The following TENM2 variants were observed in gnomAD, a reference collection of about 807,000 sequenced individuals.
TENM2 encodes teneurin-2.
A neutral mutation model predicts 245.2 loss-of-function variants in TENM2; 52 were observed. The observed-to-expected ratio is 0.21, with a 90% CI of 0.17 to 0.27. TENM2 has a LOEUF of 0.27. TENM2 is among the 10% of genes least tolerant of loss of function. The pLI is 1.00. For missense variants in TENM2, 3,046 were observed against 3,666.8 expected (o/e 0.83, Z 4.37); for synonymous variants, 1,363 against 1,438.9 (o/e 0.95, Z 1.19).
intron 2 of TENM2, among the ~76,000 whole-genome samples, chr5:167,522,334 G>A (rs1770814370): frequency 6.6e-6 from 1 of 152,092 alleles, no homozygotes; most frequent in Non-Finnish European, 1.5e-5. Context: ...CTCACAGTCA[G>A]CCTTATTTCA....
chr5:167,940,916 T>G (rs1779126192), intron 3 of TENM2, among the ~76,000 whole-genome samples: 1 of 152,184 alleles, frequency 6.6e-6, no homozygotes, highest in African/African-American at 2.4e-5. Context: ...ACTACACTAT[T>G]AAAGTGTCAG....
chr5:167,236,010 C>T, the TENM2 span, among the ~76,000 whole-genome samples: 1 of 152,162 alleles, frequency 6.6e-6, no homozygotes, highest in Admixed American at 6.5e-5. Context: ...CTCTACCAAC[C>T]TTCCTTCCTC....
the TENM2 span, among the ~76,000 whole-genome samples, chr5:167,016,460 A>G: frequency 6.6e-6 from 1 of 152,176 alleles, no homozygotes; most frequent in Non-Finnish European, 1.5e-5. Flanking sequence ...ATTCCTGATT[A>G]TGTGAATACA....
intron 2 of TENM2, among the ~76,000 whole-genome samples, chr5:167,515,680 T>TACA (rs1283561249): frequency 1.1e-4 from 6 of 55,842 alleles, no homozygotes; most frequent in Non-Finnish European, 2.7e-4. Context: ...TGTATATATA[T>TACA]TTTGAGAGGG....
chr5:167,205,107 G>T, the TENM2 span, among the ~76,000 whole-genome samples: 30 of 152,264 alleles, frequency 2.0e-4, no homozygotes, highest in Middle Eastern at 3.4e-3. Flanking sequence ...TTGGCCTGTC[G>T]CCTTGGCTCA....
the TENM2 span, among the ~76,000 whole-genome samples, chr5:167,021,297 C>T: frequency 6.6e-6 from 1 of 152,082 alleles, no homozygotes; most frequent in Admixed American, 6.6e-5. Context: ...TGGAGGAAGT[C>T]ATTATATATG....
chr5:167,353,338 G>GGGA (rs1759056199), intron 1 of TENM2, among the ~76,000 whole-genome samples: 1 of 144,122 alleles, frequency 6.9e-6, no homozygotes, highest in South Asian at 2.2e-4. Context: ...GGTGGTGGGG[G>GGGA]TGCAGAAAGT....
intron 1 of TENM2, among the ~76,000 whole-genome samples, chr5:167,318,549 A>G (rs191359127): frequency 6.6e-6 from 1 of 152,288 alleles, no homozygotes; most frequent in African/African-American, 2.4e-5. Context: ...ATATCATATA[A>G]TAGAGTTAGA....
chr5:167,526,944 G>T (rs189037994), intron 2 of TENM2, among the ~76,000 whole-genome samples: 1 of 152,130 alleles, frequency 6.6e-6, no homozygotes, highest in South Asian at 2.1e-4. Flanking sequence ...ACCCTTATCT[G>T]ACCCACAATA....
At chr5:167,776,583 G>A (rs1270895579) in intron 2 of TENM2, among the ~76,000 whole-genome samples, 1 of 86,378 alleles carries the variant, frequency 1.2e-5, no homozygotes, top group Non-Finnish European at 2.0e-5. Context: ...CAGCAGATGA[G>A]ACCCTGTCTG....
intron 2 of TENM2, among the ~76,000 whole-genome samples, chr5:167,640,743 T>G (rs1304358720): frequency 6.7e-6 from 1 of 149,396 alleles, no homozygotes. Context: ...TACGTACACT[T>G]TTAAATAGAT....
chr5:168,148,023 G>T (rs1401614936), intron 12 of TENM2, among the ~76,000 whole-genome samples: 2 of 152,172 alleles, frequency 1.3e-5, no homozygotes, highest in Non-Finnish European at 2.9e-5. Flanking sequence ...CATCCACGAG[G>T]ATTATCGATT....
At chr5:168,119,717 G>C (rs1406262563) in intron 10 of TENM2, among the ~76,000 whole-genome samples, 6 of 152,136 alleles carry the variant, frequency 3.9e-5, no homozygotes, top group African/African-American at 1.4e-4. Context: ...CCAGTGAAAT[G>C]CCCTCACACA....
intron 2 of TENM2, among the ~76,000 whole-genome samples, chr5:167,502,960 G>T (rs1562007837): frequency 6.6e-6 from 1 of 152,126 alleles, no homozygotes; most frequent in African/African-American, 2.4e-5. Flanking sequence ...TTCCCAGGTA[G>T]CTGCGACTAC....
At chr5:167,003,410 A>C in the TENM2 span, among the ~76,000 whole-genome samples, 1 of 152,204 alleles carries the variant, frequency 6.6e-6, no homozygotes, top group Non-Finnish European at 1.5e-5. Flanking sequence ...TTCATTATGC[A>C]AATGATTTCT....
chr5:167,803,883 C>G (rs1765958445), intron 2 of TENM2, among the ~76,000 whole-genome samples: 1 of 151,948 alleles, frequency 6.6e-6, no homozygotes, highest in Non-Finnish European at 1.5e-5. Context: ...TAGCTCCTGC[C>G]CAATTTATTT....
At chr5:167,380,796 G>A (rs1280868100) in intron 2 of TENM2, among the ~76,000 whole-genome samples, 2 of 152,210 alleles carry the variant, frequency 1.3e-5, no homozygotes, top group South Asian at 2.1e-4. Flanking sequence ...TCTTTTTACT[G>A]CGAAGGCAGT....
At chr5:167,595,052 C>G (rs1017380456) in intron 2 of TENM2, among the ~76,000 whole-genome samples, 1 of 152,164 alleles carries the variant, frequency 6.6e-6, no homozygotes, top group African/African-American at 2.4e-5. Flanking sequence ...TCAAGCAGCC[C>G]TTTCTGGGTT....
At chr5:167,057,408 CA>C in the TENM2 span, among the ~76,000 whole-genome samples, 52 of 152,070 alleles carry the variant, frequency 3.4e-4, 1 homozygote, top group East Asian at 9.5e-3. Flanking sequence ...ACTTTTTGTT[CA>C]AAGATGGGCA....
Sources: gnomAD v4.1 joint callset for allele counts (sites outside exome capture counted in the v4.1 genomes callset) on GRCh38, gnomAD v4.1.1 for gene constraint, MANE v1.5 for transcripts, NCBI Gene and HGNC (gene_info 2026-07-23, HGNC 2026-07-21) for gene names.